The following PLXNA4 variants were observed in gnomAD, a reference collection of about 807,000 sequenced individuals.
PLXNA4 encodes the protein plexin-A4.
A neutral mutation model predicts 191.8 loss-of-function variants in PLXNA4; 44 were observed. The observed-to-expected ratio is 0.23, with a 90% CI of 0.18 to 0.29. PLXNA4 has a LOEUF of 0.29. Among genes scored for constraint, PLXNA4 ranks in the 10% least tolerant of loss-of-function variants. The pLI is 1.00. For synonymous variants in PLXNA4, 1,082 were observed against 1,009.5 expected, an observed-to-expected ratio of 1.07 and a Z score of -1.36; for missense variants, 1,800 against 2,488.8, an observed-to-expected ratio of 0.72 and a Z score of 5.89.
At chr7:132,546,257 A>G (rs1563163706) in intron 1 of PLXNA4, among the ~76,000 whole-genome samples, 3 of 152,208 alleles carry the variant, frequency 2.0e-5, no homozygotes, top group African/African-American at 2.4e-5. Flanking sequence ...GCAGGAATAG[A>G]TGCTTCCAGG....
chr7:132,175,654 G>C (rs1295285131), intron 20 of PLXNA4, among the ~76,000 whole-genome samples: 2 of 152,298 alleles, frequency 1.3e-5, no homozygotes, highest in African/African-American at 4.8e-5. Context: ...GCATGCAGTA[G>C]AGCCTCAGGC....
chr7:132,376,588 G>A (rs1035857303), intron 3 of PLXNA4, among the ~76,000 whole-genome samples: 5 of 152,216 alleles, frequency 3.3e-5, no homozygotes, highest in African/African-American at 4.8e-5. Flanking sequence ...CCCAGGAAGC[G>A]ATTTGCTCAG....
At chr7:132,469,213 T>A (rs1231762382) in intron 3 of PLXNA4, among the ~76,000 whole-genome samples, 1 of 151,758 alleles carries the variant, frequency 6.6e-6, no homozygotes, top group Non-Finnish European at 1.5e-5. Context: ...TGTCACGATG[T>A]AATACAAGGG....
chr7:132,160,671 C>T (rs1057121244), intron 24 of PLXNA4, among the ~76,000 whole-genome samples: 13 of 152,138 alleles, frequency 8.5e-5, no homozygotes, highest in East Asian at 1.9e-4. Context: ...AACTCTCCCT[C>T]GGGCCCTGCT....
chr7:132,422,275 TGATCTCTCAC>T (rs1459437190), intron 3 of PLXNA4, among the ~76,000 whole-genome samples: 1 of 152,184 alleles, frequency 6.6e-6, no homozygotes, highest in African/African-American at 2.4e-5. Flanking sequence ...CAGACAGAAC[TGATCTCTCAC>T]CTCAGAGAGC....
chr7:132,564,904 C>T (rs1801647219), intron 1 of PLXNA4, among the ~76,000 whole-genome samples: 1 of 150,292 alleles, frequency 6.7e-6, no homozygotes, highest in African/African-American at 2.5e-5. Context: ...CTGTCTCCTG[C>T]CATCCCTGCT....
intron 9 of PLXNA4, among the ~76,000 whole-genome samples, chr7:132,220,972 C>A (rs904303681): frequency 1.3e-5 from 2 of 151,556 alleles, no homozygotes; most frequent in African/African-American, 4.9e-5. Flanking sequence ...ATCGCCATGC[C>A]CAGCTTACTT....
chr7:132,622,961 C>T (rs555381420), intron 2 of PLXNA4, among the ~76,000 whole-genome samples: 3 of 152,164 alleles, frequency 2.0e-5, no homozygotes, highest in Admixed American at 6.5e-5. Context: ...ACTGTCAAAG[C>T]TATTTGTGCA....
intron 1 of PLXNA4, among the ~76,000 whole-genome samples, chr7:132,564,393 C>G (rs1233725678): frequency 6.8e-6 from 1 of 146,726 alleles, no homozygotes; most frequent in Non-Finnish European, 1.5e-5. Context: ...CTCCTCCTCC[C>G]CCTCTTCTTG....
chr7:132,396,543 T>C (rs1216448540), intron 3 of PLXNA4, among the ~76,000 whole-genome samples: 2 of 152,098 alleles, frequency 1.3e-5, no homozygotes, highest in African/African-American at 4.8e-5. Context: ...AAGTATGGAG[T>C]GCAGTGGCAC....
chr7:132,450,607 T>C (rs1482211838), intron 3 of PLXNA4, among the ~76,000 whole-genome samples: 1 of 152,182 alleles, frequency 6.6e-6, no homozygotes, highest in East Asian at 1.9e-4. Context: ...CTGGGAAGGC[T>C]GGAAAGGCCA....
rs550383764 is a variant in PLXNA4, at chr7:132,616,938, A to G, written c.-87+28990T>C. Among the ~76,000 whole-genome samples, 23 of 152,206 alleles carry G rather than the reference A, an allele frequency of 1.5e-4. No homozygotes were observed. In the South Asian group the frequency reaches 4.6e-3, roughly 30 times the overall value. ...CTGCATCACTTGCTCTGTCCAGCAA[A>G]TGGGTCCCTTCTGATTCGGAGCATC... On this transcript the variant is annotated intron_variant, in intron 2 of 4. Coordinates refer to the PLXNA4 transcript ENST00000378539.
Position 132,231,419 on chromosome 7 carries a change from G to A in PLXNA4, c.1605-2950C>T, listed in dbSNP as rs116829143. Among the ~76,000 whole-genome samples, 1,413 of 152,210 alleles carry A rather than the reference G, an allele frequency of 9.3e-3. 28 individuals are homozygous for A. Among genetic ancestry groups the A allele is most frequent in the African/African-American group, 0.032 (1,343 of 41,528 alleles). On this transcript the variant is annotated intron_variant, in intron 5 of 31. Coordinates refer to ENST00000321063, the MANE Select transcript of PLXNA4 (RefSeq NM_020911.2). The stretch of plus-strand genomic sequence containing the variant: ...TTATTTTTTATCTTATTTTTAGAAT[G>A]AGTGTTTTTTATTTTTATTTTTTGA...
chr7:132,535,139 A>G (rs1010125247), intron 1 of PLXNA4, among the ~76,000 whole-genome samples: 1 of 152,238 alleles, frequency 6.6e-6, no homozygotes, highest in Non-Finnish European at 1.5e-5. Flanking sequence ...GGACCAACTT[A>G]TCAGACCAGA....
intron 4 of PLXNA4, among the ~76,000 whole-genome samples, chr7:132,268,283 A>T (rs2116308086): frequency 6.6e-6 from 1 of 152,302 alleles, no homozygotes; most frequent in South Asian, 2.1e-4. Flanking sequence ...TGCAGGTAAA[A>T]CTATTTTATG....
chr7:132,327,090 G>GA (rs1802399324), intron 3 of PLXNA4, among the ~76,000 whole-genome samples: 3 of 149,686 alleles, frequency 2.0e-5, no homozygotes, highest in Admixed American at 6.8e-5. Flanking sequence ...GGGAGGGTAG[G>GA]AAGAAAGGAG....
At chr7:132,460,141 C>T (rs1796453250) in intron 3 of PLXNA4, among the ~76,000 whole-genome samples, 1 of 152,080 alleles carries the variant, frequency 6.6e-6, no homozygotes, top group Non-Finnish European at 1.5e-5. Flanking sequence ...ATCGCTTGAG[C>T]CCAGGAGTTT....
At chr7:132,325,845 G>A (rs910951542) in intron 3 of PLXNA4, among the ~76,000 whole-genome samples, 1 of 152,198 alleles carries the variant, frequency 6.6e-6, no homozygotes, top group African/African-American at 2.4e-5. Context: ...ACTACAGGGA[G>A]ACGTGTAAAG....
At chr7:132,254,479 C>CA (rs1799364198) in intron 4 of PLXNA4, among the ~76,000 whole-genome samples, 1 of 152,152 alleles carries the variant, frequency 6.6e-6, no homozygotes, top group Non-Finnish European at 1.5e-5. Context: ...AGCCACTTAT[C>CA]AAAAATGTGT....
Sources: gnomAD v4.1 joint callset for allele counts (sites outside exome capture counted in the v4.1 genomes callset) on GRCh38, gnomAD v4.1.1 for gene constraint, MANE v1.5 for transcripts, NCBI Gene and HGNC (gene_info 2026-07-23, HGNC 2026-07-21) for gene names.